Variants in LYZL1 observed in about 807,000 individuals in gnomAD.
LYZL1 encodes the protein lysozyme like 1, also known as lysozyme-like protein 1.
LYZL1 carries 16 observed loss-of-function variants against 17.9 expected under a neutral mutation model. That is an observed-to-expected ratio of 0.90 (90% confidence interval 0.61 to 1.36). LYZL1 has a LOEUF of 1.36. LYZL1 is among the 40% of genes most tolerant of loss of function. LYZL1 has a pLI of 0.00. For synonymous variants in LYZL1, 58 were observed against 71.8 expected, an observed-to-expected ratio of 0.81 and a Z score of 0.97; for missense variants, 149 against 188.4, an observed-to-expected ratio of 0.79 and a Z score of 1.22.
chr10:29,316,899 G>A (rs1835739620), intron 3 of LYZL1, among the ~76,000 whole-genome samples: 1 of 151,640 alleles, frequency 6.6e-6, no homozygotes, highest in African/African-American at 2.4e-5. Context: ...TAATTTTTTT[G>A]TAAATACAAG....
chr10:29,291,666 A>C (rs73596011), intron 1 of LYZL1, among the ~76,000 whole-genome samples, 177 bp from the exon 2 acceptor site: 24,227 of 150,406 alleles, frequency 0.16, 2,137 homozygotes, highest in Middle Eastern at 0.22. Context: ...GCATTAAGGA[A>C]ACAGCCTTCA....
At position 29,307,461 on chromosome 10, in the gene LYZL1, A is replaced by C. The variant is rs74131337; in HGVS notation, c.299-2649A>C. ...AGCATTTCCTTCTTTTCCATGACTG[A>C]ATAATATTCCACTCTCTATATAAAC... On this transcript the variant is annotated intron_variant, in intron 3 of 4. Coordinates refer to ENST00000649382, the MANE Select transcript of LYZL1 (RefSeq NM_032517.6). 8.1e-3 allele frequency among the ~76,000 whole-genome samples: 1,228 copies of C among 152,340 alleles called. 18 individuals carry two copies. Among genetic ancestry groups the C allele is most frequent in the African/African-American group, 0.029 (1,186 of 41,574 alleles).
At position 29,292,522 on chromosome 10, in the gene LYZL1, T is replaced by C; in HGVS notation, c.143T>C (p.Ile48Thr). 2 of 1,613,778 alleles carry C rather than the reference T, an allele frequency of 1.2e-6. No homozygotes were observed. Among genetic ancestry groups the C allele is most frequent in the Non-Finnish European group, 1.7e-6 (2 of 1,179,904 alleles). ...TTTCTGGCTTTCCCCCCTCCAGGGATCTGCATGGCATATTATGAGAGCGGC... is the reference window on the plus strand; with the variant it reads ...TTTCTGGCTTTCCCCCCTCCAGGGACCTGCATGGCATATTATGAGAGCGGC... ...NYWGFSLGNW[I>T]CMAYYESGYN... is the part of the protein sequence containing the mutation. The change falls in exon 3 of 5, where the codon ATC becomes ACC. Residue 48 changes from isoleucine (I) to threonine (T), a missense_variant. This residue lies in a region of LYZL1 where 130 missense variants were observed against 132.5 expected (regional missense o/e 0.98). Transcript: ENST00000649382.
intron 3 of LYZL1, among the ~76,000 whole-genome samples, chr10:29,305,300 A>G (rs1835575237): frequency 6.6e-6 from 1 of 152,214 alleles, no homozygotes; most frequent in African/African-American, 2.4e-5. Flanking sequence ...AAAAATTAAT[A>G]AAGTATATTT....
Position 29,289,729 on chromosome 10 carries a change from A to C in LYZL1, c.-26+499A>C, listed in dbSNP as rs550473165. Among the ~76,000 whole-genome samples the C allele has an allele frequency of 2.0e-5, 3 of 152,198 alleles. No individual in the cohort carries two copies. In the East Asian group the frequency reaches 5.8e-4, roughly 30 times the overall value. On this transcript the variant is annotated intron_variant, in intron 1 of 4. Transcript: ENST00000649382. ...CCACCATGCCTGGCCTTAGCTCTGC[A>C]TCTTAAACCTCGTTTGTCTGTCCCT... is the stretch of plus-strand genomic sequence containing the variant.
chr10:29,293,819 C>T (rs1038076502), intron 3 of LYZL1, among the ~76,000 whole-genome samples: 1 of 151,758 alleles, frequency 6.6e-6, no homozygotes, highest in African/African-American at 2.4e-5. Context: ...CTAAATAATA[C>T]AAAAATTAGC....
chr10:29,290,374 T>C (rs1251052896), intron 1 of LYZL1, among the ~76,000 whole-genome samples: 1 of 152,192 alleles, frequency 6.6e-6, no homozygotes, highest in Non-Finnish European at 1.5e-5. Flanking sequence ...TTCAGATGAT[T>C]CCGCAGGGGT....
Position 29,310,997 on chromosome 10 carries a change from TG to T in LYZL1, c.387del (p.Trp129Ter), listed in dbSNP as rs1485161227. ...ETQGMNYWQG[W>X]KKHCEGRDLS... ...CTTCCCTCTCATCCTCAGGCAAGGC[TG>T]GAAGAAACATTGTGAGGGCAGAGAC... is the stretch of plus-strand genomic sequence containing the variant. On this transcript the variant is annotated frameshift_variant, in exon 5 of 5. Coordinates refer to ENST00000649382, the MANE Select transcript of LYZL1 (RefSeq NM_032517.6). LOFTEE classifies it high-confidence loss of function. 6.2e-7 allele frequency: 1 copy of T among 1,614,186 alleles called. No individual in the cohort carries two copies. Among genetic ancestry groups the T allele is most frequent in the Non-Finnish European group, 8.5e-7 (1 of 1,180,030 alleles).
Position 29,310,162 on chromosome 10 carries a change from TAAAG to T in LYZL1, c.353_356del (p.Lys118ArgfsTer5), listed in dbSNP as rs745474395. ...CAATTATCTGTGCCAGGAAAATTGT[TAAAG>T]AGACACAAGGAATGAACTATTGGTA... On this transcript the variant is annotated frameshift_variant, in exon 4 of 5. Coordinates refer to ENST00000649382, the MANE Select transcript of LYZL1 (RefSeq NM_032517.6). LOFTEE classifies it high-confidence loss of function. 1 of 1,611,502 alleles carries T rather than the reference TAAAG, an allele frequency of 6.2e-7. No homozygotes were observed. Among genetic ancestry groups the T allele is most frequent in the Non-Finnish European group, 8.5e-7 (1 of 1,177,686 alleles).
chr10:29,317,000 G>A (rs1451829850), intron 3 of LYZL1, among the ~76,000 whole-genome samples: 1 of 152,110 alleles, frequency 6.6e-6, no homozygotes, highest in Non-Finnish European at 1.5e-5. Context: ...TTAAAGGTAT[G>A]AGCCATCATG....
At chr10:29,305,618 TAGGC>T (rs1282110454) in intron 3 of LYZL1, among the ~76,000 whole-genome samples, 3 of 152,200 alleles carry the variant, frequency 2.0e-5, no homozygotes, top group African/African-American at 7.2e-5. Flanking sequence ...GTCAAGAAGA[TAGGC>T]AGGAGATTTT....
chr10:29,313,059 C>T (rs973668818), downstream of LYZL1, among the ~76,000 whole-genome samples: 4 of 152,274 alleles, frequency 2.6e-5, no homozygotes, highest in African/African-American at 9.6e-5. Context: ...TTCCTGCCCA[C>T]CGGCTTGCCT....
chr10:29,293,127 C>CTTTTTTTTTTTTTTTTTTT (rs778807136), intron 3 of LYZL1, among the ~76,000 whole-genome samples: 7 of 104,194 alleles, frequency 6.7e-5, no homozygotes, highest in South Asian at 3.3e-4. Flanking sequence ...CTTTTCTTTT[C>CTTTTTTTTTTTTTTTTTTT]TTTTTTCTTT....
At chr10:29,317,659 C>A (rs975065436) in intron 4 of LYZL1, among the ~76,000 whole-genome samples, 1 of 152,186 alleles carries the variant, frequency 6.6e-6, no homozygotes, top group African/African-American at 2.4e-5. Flanking sequence ...AGACACTGAA[C>A]CTCTCTGTTT....
At chr10:29,291,591 G>T (rs982314507) in intron 1 of LYZL1, among the ~76,000 whole-genome samples, 10 of 151,950 alleles carry the variant, frequency 6.6e-5, no homozygotes, top group African/African-American at 2.4e-4. Context: ...ATTAAGGAGG[G>T]TTAATTTTTT....
At chr10:29,315,768 G>C (rs1054469339), downstream of LYZL1, among the ~76,000 whole-genome samples, 2 of 151,600 alleles carry the variant, frequency 1.3e-5, no homozygotes, top group African/African-American at 4.8e-5. Context: ...AGGATCACTT[G>C]AGCCTTGAAG....
intron 1 of LYZL1, among the ~76,000 whole-genome samples, 187 bp downstream of exon 1, chr10:29,289,417 CTTTTTTTTTTT>C (rs11347424): frequency 7.8e-6 from 1 of 128,734 alleles, no homozygotes; most frequent in Non-Finnish European, 1.6e-5. Context: ...TTTTTCTTTT[CTTTTTTTTTTT>C]TTTTTTTAGA....
At chr10:29,292,083 C>G in intron 2 of LYZL1, 77 bp downstream of exon 2, 6 of 1,536,452 alleles carry the variant, frequency 3.9e-6, no homozygotes, top group Non-Finnish European at 5.3e-6. Context: ...GCCACACTCC[C>G]TGCTGTGTCT....
chr10:29,301,830 C>T (rs1459501498), intron 3 of LYZL1, among the ~76,000 whole-genome samples: 2 of 151,884 alleles, frequency 1.3e-5, no homozygotes, highest in African/African-American at 4.8e-5. Flanking sequence ...ATCACCATGG[C>T]TCTTCATGTT....
Sources: gnomAD v4.1 joint callset for allele counts (sites outside exome capture counted in the v4.1 genomes callset) on GRCh38, gnomAD v4.1.1 for gene constraint, gnomAD v4.1.1 regional missense constraint, MANE v1.5 for transcripts, NCBI Gene and HGNC (gene_info 2026-07-23, HGNC 2026-07-21) for gene names.